CDYL: variants seen among roughly 807,000 people sequenced by gnomAD.
CDYL encodes chromodomain Y like.
A neutral mutation model predicts 47.3 loss-of-function variants in CDYL; 8 were observed. That is an observed-to-expected ratio of 0.17 (90% CI 0.10 to 0.31). CDYL has a LOEUF of 0.31. Ranked by LOEUF, CDYL falls within the 10% of genes least tolerant of loss-of-function variation. The pLI, the probability that CDYL is intolerant of heterozygous loss-of-function variation, is 1.00. For missense variants in CDYL, 471 were observed against 701.4 expected (o/e 0.67, Z 3.71); for synonymous variants, 266 against 265.0 (o/e 1.00, Z -0.04).
intron 1 of CDYL, among the ~76,000 whole-genome samples, chr6:4,787,788 T>TTG (rs1554098011): frequency 2.8e-4 from 39 of 141,720 alleles, no homozygotes; most frequent in Non-Finnish European, 5.7e-4. Flanking sequence ...TTTTTTTTTT[T>TTG]GGGAGACAGA....
At chr6:4,756,003 T>G (rs1363205241) in intron 3 of CDYL, among the ~76,000 whole-genome samples, 1 of 152,238 alleles carries the variant, frequency 6.6e-6, no homozygotes, top group Non-Finnish European at 1.5e-5. Flanking sequence ...TCCTTATTAT[T>G]TCTCCTGTCA....
At chr6:4,756,421 C>T (rs957268151) in intron 3 of CDYL, among the ~76,000 whole-genome samples, 3 of 152,128 alleles carry the variant, frequency 2.0e-5, no homozygotes. Context: ...ATCCTCCCAC[C>T]TCTTTCCCTT....
intron 1 of CDYL, among the ~76,000 whole-genome samples, chr6:4,883,957 A>G (rs1175682936): frequency 6.6e-6 from 1 of 152,198 alleles, no homozygotes; most frequent in African/African-American, 2.4e-5. Flanking sequence ...ACCCTTGAGT[A>G]TCTGGGGCAG....
intron 1 of CDYL, among the ~76,000 whole-genome samples, chr6:4,819,121 T>TCTCTCTCTCTCTCC (rs1403014818): frequency 5.1e-5 from 5 of 97,892 alleles, no homozygotes; most frequent in Non-Finnish European, 1.0e-4. Context: ...GTTCGTTCTC[T>TCTCTCTCTCTCTCC]CTCTCTCTCT....
chr6:4,955,143 A>G lies in CDYL; in HGVS notation c.*1087A>G, dbSNP rs1482015804. On this transcript the variant is annotated 3_prime_UTR_variant, in exon 7 of 7. Coordinates refer to ENST00000397588, the MANE Select transcript of CDYL (RefSeq NM_004824.4). ...GCCTCTGCTTTTATGTCTATACAATATACTGAGTTCAGTATGGTGTCCAAG... is the reference window on the plus strand; with the variant it reads ...GCCTCTGCTTTTATGTCTATACAATGTACTGAGTTCAGTATGGTGTCCAAG... The G allele has an allele frequency of 1.3e-5, 2 of 152,660 alleles. No homozygotes were observed. The highest frequency in any genetic ancestry group is 2.4e-5 in the African/African-American group (1 of 41,456). The allele number at this position is 152,660 out of a possible 1,614,324, so 9.5% of individuals were successfully genotyped here. A position where few individuals can be genotyped will look rare whatever the true frequency, so the allele number is the denominator to read the frequency against.
At chr6:4,779,730 A>G (rs1249692811) in intron 1 of CDYL, among the ~76,000 whole-genome samples, 2 of 152,218 alleles carry the variant, frequency 1.3e-5, no homozygotes, top group Admixed American at 6.5e-5. Flanking sequence ...CAAAAAGACA[A>G]GCGTCCTTTA....
intron 2 of CDYL, among the ~76,000 whole-genome samples, chr6:4,910,013 A>G (rs528691015): frequency 6.8e-6 from 1 of 147,476 alleles, no homozygotes; most frequent in Admixed American, 6.9e-5. Flanking sequence ...ATGTATTCAT[A>G]TATATACATA....
At chr6:4,903,569 C>T (rs370133252) in intron 2 of CDYL, among the ~76,000 whole-genome samples, 20 of 152,340 alleles carry the variant, frequency 1.3e-4, no homozygotes, top group African/African-American at 4.3e-4. Context: ...ACGATGCACA[C>T]GGTGGCTTGC....
Position 4,926,230 on chromosome 6 carries a change from A to C in CDYL, c.692-9285A>C, listed in dbSNP as rs929918948. Reference sequence around the variant, plus strand: ...ATTTACTTCCATGTTCATATGAAACATGGTTCTTCAAGAAAATTTGCAGAT... The same window carrying C: ...ATTTACTTCCATGTTCATATGAAACCTGGTTCTTCAAGAAAATTTGCAGAT... On this transcript the variant is annotated intron_variant, in intron 2 of 6. Coordinates refer to ENST00000397588, the MANE Select transcript of CDYL (RefSeq NM_004824.4). Among the ~76,000 whole-genome samples the C allele has an allele frequency of 2.6e-5, 4 of 152,236 alleles. No homozygotes were observed. In the East Asian group the frequency reaches 7.7e-4, roughly 29 times the overall value.
intron 1 of CDYL, among the ~76,000 whole-genome samples, chr6:4,812,669 A>G (rs1759562544): frequency 6.6e-6 from 1 of 152,174 alleles, no homozygotes; most frequent in Non-Finnish European, 1.5e-5. Flanking sequence ...ACAGTCTTCT[A>G]TAGGAAATTT....
intron 2 of CDYL, among the ~76,000 whole-genome samples, chr6:4,723,782 T>C (rs1223020409): frequency 1.3e-5 from 2 of 152,130 alleles, no homozygotes; most frequent in Non-Finnish European, 2.9e-5. Flanking sequence ...CTTGGCAACT[T>C]AAAAATCTAA....
At chr6:4,895,402 TACATGTATAC>T (rs1459439929) in intron 2 of CDYL, among the ~76,000 whole-genome samples, 18 of 8,722 alleles carry the variant, frequency 2.1e-3, no homozygotes, top group African/African-American at 2.2e-3. Flanking sequence ...TATGCATGTA[TACATGTATAC>T]GTATATATGC....
intron 2 of CDYL, among the ~76,000 whole-genome samples, chr6:4,931,520 A>G (rs1373434278): frequency 6.6e-6 from 1 of 152,122 alleles, no homozygotes; most frequent in Non-Finnish European, 1.5e-5. Context: ...CCTGGGTGAC[A>G]TGAGAACCCC....
At chr6:4,894,931 G>GTGTGTA (rs1762166927) in intron 2 of CDYL, among the ~76,000 whole-genome samples, 2 of 17,542 alleles carry the variant, frequency 1.1e-4, no homozygotes, top group Admixed American at 1.2e-3. Context: ...ACATATGTAT[G>GTGTGTA]TGTGTATATG....
At chr6:4,802,553 C>T (rs186361282) in intron 1 of CDYL, among the ~76,000 whole-genome samples, 12 of 152,042 alleles carry the variant, frequency 7.9e-5, no homozygotes, top group Admixed American at 7.9e-4. Context: ...AAACAAAAAA[C>T]AGTTATTATA....
At chr6:4,791,827 C>T (rs1298431257) in intron 1 of CDYL, among the ~76,000 whole-genome samples, 3 of 151,506 alleles carry the variant, frequency 2.0e-5, no homozygotes, top group East Asian at 1.9e-4. Context: ...AACACAGAAT[C>T]GTATGCATGG....
intron 2 of CDYL, among the ~76,000 whole-genome samples, chr6:4,895,343 G>A (rs202109282): frequency 1.1e-3 from 24 of 21,034 alleles, no homozygotes; most frequent in African/African-American, 4.8e-3. Flanking sequence ...GTGCATATAT[G>A]CATGTATGTA....
intron 2 of CDYL, among the ~76,000 whole-genome samples, chr6:4,899,833 A>G (rs1243281704): frequency 1.3e-5 from 2 of 152,160 alleles, no homozygotes; most frequent in Admixed American, 6.5e-5. Context: ...TCCCGAGGGG[A>G]AGAGTCACGT....
chr6:4,902,943 G>A (rs1557032), intron 2 of CDYL, among the ~76,000 whole-genome samples: 126,888 of 152,214 alleles, frequency 0.83, 56,813 homozygotes, highest in Non-Finnish European at 0.99. Context: ...AAATGGAAGT[G>A]TTGTGCAGAT....
Sources: allele counts gnomAD v4.1 joint callset (sites outside exome capture counted in the v4.1 genomes callset), GRCh38; gene constraint gnomAD v4.1.1; transcripts MANE v1.5; gene names NCBI Gene and HGNC (gene_info 2026-07-23, HGNC 2026-07-21).